The following FSHR variants were observed in gnomAD, a reference collection of about 807,000 sequenced individuals.
FSHR encodes the protein follicle-stimulating hormone receptor.
FSHR carries 46 observed loss-of-function variants against 52.1 expected under a neutral mutation model. The ratio of observed to expected loss-of-function variants is 0.88; its 90% CI spans 0.70 to 1.13. FSHR has a LOEUF of 1.13. Among genes scored for constraint, FSHR ranks in the 50% most tolerant of loss-of-function variants. The pLI is 0.00. For synonymous variants in FSHR, 399 were observed against 309.6 expected (o/e 1.29, Z -3.03); for missense variants, 964 against 834.6 (o/e 1.16, Z -1.91).
Position 49,127,860 on chromosome 2 carries a change from T to C in FSHR, c.152+26406A>G, listed in dbSNP as rs866350137. Reference sequence around the variant, plus strand: ...CTTCTTCTTCTTCTTCTTCTTCTTCTTCTTCTTCTTCTTCTTCTTCTTCTT... The same window carrying C: ...CTTCTTCTTCTTCTTCTTCTTCTTCCTCTTCTTCTTCTTCTTCTTCTTCTT... On this transcript the variant is annotated intron_variant, in intron 1 of 9. Coordinates refer to ENST00000406846, the MANE Select transcript of FSHR (RefSeq NM_000145.4). Among the ~76,000 whole-genome samples the C allele has an allele frequency of 2.5e-3, 95 of 38,180 alleles. 1 individual carries two copies. The highest frequency in any genetic ancestry group is 9.4e-3 in the African/African-American group (41 of 4,356). 25.0% of individuals were successfully genotyped at this position (38,180 alleles called of 152,430 possible).
At chr2:49,106,755 C>T (rs957917841) in intron 1 of FSHR, among the ~76,000 whole-genome samples, 1 of 152,104 alleles carries the variant, frequency 6.6e-6, no homozygotes, top group South Asian at 2.1e-4. Flanking sequence ...CATTGCTTGC[C>T]TGATGGTTGT....
At chr2:49,133,710 C>T (rs769233454) in intron 1 of FSHR, among the ~76,000 whole-genome samples, 123 of 152,038 alleles carry the variant, frequency 8.1e-4, no homozygotes, top group Non-Finnish European at 1.5e-3. Flanking sequence ...GGTACTGATA[C>T]CAAAACAGAG....
At chr2:49,041,003 A>G (rs916118952) in intron 2 of FSHR, among the ~76,000 whole-genome samples, 5 of 152,278 alleles carry the variant, frequency 3.3e-5, no homozygotes, top group Admixed American at 2.6e-4. Flanking sequence ...GGTCTATGAT[A>G]CTATTACCTG....
intron 4 of FSHR, among the ~76,000 whole-genome samples, chr2:49,015,897 A>G (rs1364622651): frequency 6.6e-6 from 1 of 152,208 alleles, no homozygotes; most frequent in Non-Finnish European, 1.5e-5. Context: ...TCCTGAGCAC[A>G]AAGCCCTATA....
At chr2:49,054,702 C>T (rs1418606666) in intron 2 of FSHR, among the ~76,000 whole-genome samples, 4 of 152,142 alleles carry the variant, frequency 2.6e-5, no homozygotes, top group African/African-American at 7.2e-5. Context: ...CAAGCCCACC[C>T]CTAGTAAAGC....
intron 1 of FSHR, among the ~76,000 whole-genome samples, chr2:49,086,549 A>G (rs989067682): frequency 2.0e-5 from 3 of 152,194 alleles, no homozygotes; most frequent in Non-Finnish European, 2.9e-5. Flanking sequence ...TTCATTTTAT[A>G]ATCACCTGCG....
chr2:49,004,539 T>C (rs1181880423), intron 4 of FSHR, among the ~76,000 whole-genome samples: 1 of 152,188 alleles, frequency 6.6e-6, no homozygotes, highest in Non-Finnish European at 1.5e-5. Flanking sequence ...AAGATCACAG[T>C]TCAGAAACCA....
intron 8 of FSHR, among the ~76,000 whole-genome samples, chr2:48,972,320 G>A (rs1257202283): frequency 1.3e-5 from 2 of 152,210 alleles, no homozygotes; most frequent in Middle Eastern, 3.4e-3. Flanking sequence ...TCACCACAAG[G>A]TAAACGTTCT....
chr2:49,103,888 T>C (rs985655769), intron 1 of FSHR, among the ~76,000 whole-genome samples: 1 of 152,108 alleles, frequency 6.6e-6, no homozygotes, highest in African/African-American at 2.4e-5. Flanking sequence ...GGTGCTTTGT[T>C]TGGTTTTCTT....
chr2:48,968,542 C>T (rs1674583565), intron 9 of FSHR, among the ~76,000 whole-genome samples, 156 bp downstream of exon 9: 1 of 152,244 alleles, frequency 6.6e-6, no homozygotes, highest in African/African-American at 2.4e-5. Flanking sequence ...ATTCCTCACT[C>T]TCCATGAACT....
At chr2:49,144,371 G>C (rs139774722) in intron 1 of FSHR, among the ~76,000 whole-genome samples, 1 of 152,046 alleles carries the variant, frequency 6.6e-6, no homozygotes, top group African/African-American at 2.4e-5. Flanking sequence ...TTTCCTATCT[G>C]ACTAGCATAA....
chr2:49,153,488 G>A (rs1355657128), intron 1 of FSHR, among the ~76,000 whole-genome samples: 1 of 152,030 alleles, frequency 6.6e-6, no homozygotes, highest in African/African-American at 2.4e-5. Context: ...TCTACTTTTG[G>A]CTCCATCTCA....
In FSHR at chr2:49,151,707, T is replaced by C. The variant is rs146678635; in HGVS notation, c.152+2559A>G. 1.8e-3 allele frequency among the ~76,000 whole-genome samples: 271 copies of C among 152,276 alleles called. 1 individual carries two copies. The highest frequency in any genetic ancestry group is 6.8e-3 in the Middle Eastern group (2 of 294). Reference sequence around the variant, plus strand: ...ATAATCCATCCACCTACACCTCATGTAATCATTAAAGTTAATACGCAAACT... The same window carrying C: ...ATAATCCATCCACCTACACCTCATGCAATCATTAAAGTTAATACGCAAACT... On this transcript the variant is annotated intron_variant, in intron 1 of 9. Coordinates refer to ENST00000406846, the MANE Select transcript of FSHR (RefSeq NM_000145.4).
At chr2:49,128,027 G>A (rs1002277929) in intron 1 of FSHR, among the ~76,000 whole-genome samples, 7 of 151,362 alleles carry the variant, frequency 4.6e-5, no homozygotes, top group Non-Finnish European at 8.8e-5. Flanking sequence ...CAAGTAGCTG[G>A]GATTACATGA....
chr2:49,022,855 C>A (rs1667784529), intron 2 of FSHR, among the ~76,000 whole-genome samples: 1 of 152,142 alleles, frequency 6.6e-6, no homozygotes, highest in Admixed American at 6.5e-5. Context: ...TCTCTCCTTT[C>A]CTCATCTTCT....
At chr2:49,063,671 T>A (rs1185598729) in intron 2 of FSHR, among the ~76,000 whole-genome samples, 1 of 152,032 alleles carries the variant, frequency 6.6e-6, no homozygotes, top group African/African-American at 2.4e-5. Context: ...GGCAGGGAAG[T>A]CTATGTGGGA....
intron 2 of FSHR, among the ~76,000 whole-genome samples, chr2:49,041,965 G>C (rs544480061): frequency 2.0e-5 from 3 of 152,114 alleles, no homozygotes; most frequent in African/African-American, 7.2e-5. Flanking sequence ...TGGCAACATG[G>C]TGGGACTGTG....
intron 1 of FSHR, among the ~76,000 whole-genome samples, chr2:49,111,614 C>A (rs1671424495): frequency 6.6e-6 from 1 of 152,066 alleles, no homozygotes. Flanking sequence ...CTGGAAGGAG[C>A]CGTTGTTGCC....
intron 4 of FSHR, among the ~76,000 whole-genome samples, chr2:48,995,982 T>C (rs370409724): frequency 2.0e-5 from 3 of 152,256 alleles, no homozygotes; most frequent in South Asian, 4.1e-4. Flanking sequence ...GAGTAGATCA[T>C]TGAGATGCTT....
Sources: gnomAD v4.1 joint callset for allele counts (sites outside exome capture counted in the v4.1 genomes callset) on GRCh38, gnomAD v4.1.1 for gene constraint, MANE v1.5 for transcripts, NCBI Gene and HGNC (gene_info 2026-07-23, HGNC 2026-07-21) for gene names.